The following ITGB6 variants were observed in gnomAD, a reference collection of about 807,000 sequenced individuals.
The protein encoded by ITGB6 is integrin beta-6.
A neutral mutation model predicts 84.5 loss-of-function variants in ITGB6; 80 were observed. The observed-to-expected ratio is 0.95, with a 90% CI of 0.79 to 1.14. The LOEUF is 1.14. ITGB6 is among the 50% of genes most tolerant of loss of function. ITGB6 has a pLI of 0.00. For synonymous variants in ITGB6, 383 were observed against 354.9 expected (o/e 1.08, Z -0.89); for missense variants, 1,006 against 968.0 (o/e 1.04, Z -0.52).
chr2:160,136,516 A>G (rs1277624896), intron 10 of ITGB6, among the ~76,000 whole-genome samples: 1 of 152,236 alleles, frequency 6.6e-6, no homozygotes, highest in Non-Finnish European at 1.5e-5. Context: ...ATCTAGAACT[A>G]GAAATACCAT....
At chr2:160,157,665 G>C (rs1397211713) in intron 7 of ITGB6, among the ~76,000 whole-genome samples, 1 of 132,468 alleles carries the variant, frequency 7.5e-6, no homozygotes, top group Non-Finnish European at 1.6e-5. Context: ...AAGAAAAGGA[G>C]AAAAAGCGTT....
intron 4 of ITGB6, among the ~76,000 whole-genome samples, chr2:160,179,390 C>CTTT: frequency 7.6e-6 from 1 of 131,168 alleles, no homozygotes; most frequent in South Asian, 2.5e-4. Flanking sequence ...TTTTCTTTTT[C>CTTT]TTTTTTTTTT....
Position 160,200,007 on chromosome 2 carries a change from T to C in ITGB6, c.57A>G (p.Val19=), listed in dbSNP as rs1220166152. The change falls in exon 1 of 15, where the codon GTA becomes GTG. Residue 19 remains valine (V), a synonymous_variant. Coordinates refer to ENST00000283249, the MANE Select transcript of ITGB6 (RefSeq NM_000888.5). ...ATCAGAGAACGCAGGTCTTACCTTG[T>C]ACGTGATCATTCCTTCCTAGAAATA... is the stretch of plus-strand genomic sequence containing the variant. ...FFLFLGRNDH[V]QGGCALGGAE... is the part of the protein sequence containing the mutation. 1 of 1,613,004 alleles carries C rather than the reference T, an allele frequency of 6.2e-7. No individual in the cohort carries two copies. The highest frequency in any genetic ancestry group is 8.5e-7 in the Non-Finnish European group (1 of 1,179,046).
chr2:160,184,034 T>C (rs980289831), intron 4 of ITGB6, among the ~76,000 whole-genome samples: 4 of 152,140 alleles, frequency 2.6e-5, no homozygotes, highest in Non-Finnish European at 5.9e-5. Context: ...GTGGGAAAGA[T>C]CTAACATCGA....
At chr2:160,185,494 C>T (rs994618392) in intron 4 of ITGB6, among the ~76,000 whole-genome samples, 8 of 152,210 alleles carry the variant, frequency 5.3e-5, no homozygotes, top group African/African-American at 1.9e-4. Flanking sequence ...AATGGAAAAA[C>T]ATTCCATGCT....
intron 7 of ITGB6, among the ~76,000 whole-genome samples, chr2:160,165,673 C>G (rs535936731): frequency 6.6e-6 from 1 of 152,180 alleles, no homozygotes; most frequent in Non-Finnish European, 1.5e-5. Flanking sequence ...ATAGCATATG[C>G]GGCTGCTGTT....
chr2:160,114,546 A>G (rs973217821), intron 12 of ITGB6, among the ~76,000 whole-genome samples: 1 of 152,186 alleles, frequency 6.6e-6, no homozygotes, highest in Admixed American at 6.5e-5. Flanking sequence ...CCGAATAGGA[A>G]CAGCTCCAGT....
intron 10 of ITGB6, among the ~76,000 whole-genome samples, chr2:160,130,173 A>G (rs992990596): frequency 6.6e-6 from 1 of 152,130 alleles, no homozygotes; most frequent in Non-Finnish European, 1.5e-5. Context: ...TTGTAACACC[A>G]CGGTGAGCAT....
intron 13 of ITGB6, among the ~76,000 whole-genome samples, chr2:160,109,183 G>A (rs550998427): frequency 1.3e-5 from 2 of 152,292 alleles, no homozygotes; most frequent in African/African-American, 4.8e-5. Context: ...ATGATGCCTG[G>A]CCTCACACAC....
At chr2:160,113,697 T>C (rs1682630212) in intron 12 of ITGB6, among the ~76,000 whole-genome samples, 1 of 152,226 alleles carries the variant, frequency 6.6e-6, no homozygotes, top group Non-Finnish European at 1.5e-5. Context: ...CAGAGGAGCT[T>C]GTACACTTAG....
rs1435027149 is a variant in ITGB6 at position 160,119,276 on chromosome 2, C to A, written c.1981+4515G>T. Among the ~76,000 whole-genome samples the A allele has an allele frequency of 2.0e-5, 3 of 152,116 alleles. No individual in the cohort carries two copies. The East Asian group carries it at 5.8e-4, about 29-fold the overall frequency. ...CCTGACTTCAAACTATACTACAAGG[C>A]TACAGTAACCAAAACAGCATGGTAC... On this transcript the variant is annotated intron_variant, in intron 12 of 14. Transcript: ENST00000283249.
At chr2:160,132,724 G>A (rs916670458) in intron 10 of ITGB6, among the ~76,000 whole-genome samples, 1 of 151,974 alleles carries the variant, frequency 6.6e-6, no homozygotes, top group Non-Finnish European at 1.5e-5. Context: ...ACTTATATAT[G>A]TGTGCATATA....
intron 12 of ITGB6, among the ~76,000 whole-genome samples, chr2:160,121,170 A>T (rs1353897573): frequency 6.6e-6 from 1 of 152,170 alleles, no homozygotes; most frequent in Non-Finnish European, 1.5e-5. Flanking sequence ...AGCAGTTTTC[A>T]AAAAAACAAA....
In ITGB6 at chr2:160,101,378, G is replaced by A. The variant is rs116498869; in HGVS notation, c.*358C>T. 0.014 allele frequency: 3,548 copies of A among 248,412 alleles called. 31 individuals carry two copies. Among genetic ancestry groups the A allele is most frequent in the Non-Finnish European group, 0.021 (2,679 of 130,378 alleles). The allele number at this position is 248,412 out of a possible 1,614,324, so 15.4% of individuals were successfully genotyped here. A position where few individuals can be genotyped will look rare whatever the true frequency, so the allele number is the denominator to read the frequency against. On this transcript the variant is annotated 3_prime_UTR_variant, in exon 15 of 15. Coordinates refer to ENST00000283249, the MANE Select transcript of ITGB6 (RefSeq NM_000888.5). ...AGTATATGGGCTTTGTGACTTTGCCGAGACAAAAAACTCAGGTAGCTGCAT... is the reference window on the plus strand; with the variant it reads ...AGTATATGGGCTTTGTGACTTTGCCAAGACAAAAAACTCAGGTAGCTGCAT...
chr2:160,107,867 T>C (rs1232565146), intron 13 of ITGB6, 22 bp from the exon 14 acceptor site: 1 of 1,556,460 alleles, frequency 6.4e-7, no homozygotes, highest in South Asian at 1.2e-5. Context: ...AAGAAAATTA[T>C]AAGAAGGTGG....
chr2:160,142,132 G>A, intron 7 of ITGB6, 61 bp from the exon 8 acceptor site: 8 of 1,079,942 alleles, frequency 7.4e-6, no homozygotes, highest in Non-Finnish European at 1.1e-5. Context: ...GAAAAGTGTG[G>A]GTTTGAGCCT....
intron 4 of ITGB6, among the ~76,000 whole-genome samples, chr2:160,181,223 A>T (rs1331005018): frequency 6.6e-6 from 1 of 152,188 alleles, no homozygotes; most frequent in Non-Finnish European, 1.5e-5. Flanking sequence ...GAGCCCAGCA[A>T]GCTAAGATCC....
intron 7 of ITGB6, among the ~76,000 whole-genome samples, chr2:160,154,635 T>C (rs1684554609): frequency 6.6e-6 from 1 of 152,120 alleles, no homozygotes; most frequent in Non-Finnish European, 1.5e-5. Context: ...TAGATGTTTA[T>C]ACCTGCTTTA....
intron 7 of ITGB6, among the ~76,000 whole-genome samples, chr2:160,156,306 T>C (rs940840852): frequency 1.3e-5 from 2 of 152,218 alleles, no homozygotes; most frequent in East Asian, 3.9e-4. Flanking sequence ...CTCACAGGAA[T>C]CTCATCTGCC....
Sources: allele counts gnomAD v4.1 joint callset (sites outside exome capture counted in the v4.1 genomes callset), GRCh38; gene constraint gnomAD v4.1.1; transcripts MANE v1.5; gene names NCBI Gene and HGNC (gene_info 2026-07-23, HGNC 2026-07-21).